Variants in USP33 observed in about 807,000 individuals in gnomAD.
USP33 encodes ubiquitin carboxyl-terminal hydrolase 33.
USP33 carries 46 observed loss-of-function variants against 124.2 expected under a neutral mutation model. That is an observed-to-expected ratio of 0.37 (90% CI 0.29 to 0.47). The LOEUF (loss-of-function observed/expected upper bound fraction) is 0.47, where lower values mean the gene tolerates loss of function less well. USP33 is among the 20% of genes least tolerant of loss of function. USP33 has a pLI of 0.99. For synonymous variants in USP33, 350 were observed against 352.3 expected (o/e 0.99, Z 0.07); for missense variants, 851 against 1,070.6 (o/e 0.79, Z 2.86).
chr1:77,747,567 T>A (rs904763937), intron 1 of USP33, among the ~76,000 whole-genome samples: 5 of 152,186 alleles, frequency 3.3e-5, no homozygotes, highest in Non-Finnish European at 7.4e-5. Flanking sequence ...CTATTCCTAA[T>A]CTATTCCATT....
At chr1:77,702,365 C>T (rs1393389487) in intron 21 of USP33, among the ~76,000 whole-genome samples, 1 of 151,978 alleles carries the variant, frequency 6.6e-6, no homozygotes, top group African/African-American at 2.4e-5. Flanking sequence ...TATTAAAAAT[C>T]TAATGTGTAA....
intron 1 of USP33, among the ~76,000 whole-genome samples, chr1:77,748,182 GTTC>G (rs1231263747): frequency 2.6e-5 from 4 of 152,214 alleles, no homozygotes; most frequent in Non-Finnish European, 5.9e-5. Flanking sequence ...AGGAGTTTTA[GTTC>G]TTATTTTCTG....
chr1:77,725,836 T>C (rs1677101437), intron 10 of USP33, 74 bp from the exon 11 acceptor site: 3 of 1,322,330 alleles, frequency 2.3e-6, no homozygotes, highest in African/African-American at 3.0e-5. Context: ...GTTAAAGGTT[T>C]CTTAATTTGA....
At chr1:77,722,340 C>A in intron 12 of USP33, 144 bp from the exon 13 acceptor site, 1 of 725,476 alleles carries the variant, frequency 1.4e-6, no homozygotes. Flanking sequence ...AATTGAACTG[C>A]TTTCATAGTC....
At chr1:77,758,545 T>C (rs1279891211) in intron 1 of USP33, among the ~76,000 whole-genome samples, 1 of 152,226 alleles carries the variant, frequency 6.6e-6, no homozygotes, top group Non-Finnish European at 1.5e-5. Flanking sequence ...ACTATTTCTA[T>C]TATTTTTTCA....
chr1:77,744,200 T>G (rs1256107398), intron 1 of USP33, among the ~76,000 whole-genome samples: 1 of 150,388 alleles, frequency 6.6e-6, no homozygotes, highest in Non-Finnish European at 1.5e-5. Flanking sequence ...GGAACAAAGC[T>G]TAAGGACATT....
intron 23 of USP33, 96 bp downstream of exon 23, chr1:77,697,767 G>T: frequency 2.4e-6 from 3 of 1,247,874 alleles, no homozygotes; most frequent in South Asian, 1.4e-5. Context: ...ACATTCTTCA[G>T]TTGAATAAAA....
chr1:77,701,544 C>A lies in USP33; in HGVS notation c.2407-73G>T, dbSNP rs1043182378. ...ATGGCAAAACAATACCATCATTCCA[C>A]TTCAGTGTTTGATAACTCAGCACTT... On this transcript the variant is annotated intron_variant, in intron 21 of 23. Transcript: ENST00000370794. 7.2e-6 allele frequency: 9 copies of A among 1,256,404 alleles called. No individual in the cohort carries two copies. In the Admixed American group the frequency reaches 1.7e-4, roughly 24 times the overall value. 77.8% of individuals were successfully genotyped at this position (1,256,404 alleles called of 1,614,324 possible).
intron 1 of USP33, among the ~76,000 whole-genome samples, chr1:77,752,134 A>G (rs1344123399): frequency 6.6e-6 from 1 of 151,386 alleles, no homozygotes; most frequent in African/African-American, 2.4e-5. Context: ...CCATGTTATT[A>G]GTACAATTTT....
At chr1:77,735,960 C>T (rs1678395462) in intron 6 of USP33, 96 bp downstream of exon 6, 1 of 855,042 alleles carries the variant, frequency 1.2e-6, no homozygotes, top group Admixed American at 3.0e-5. Context: ...ATTATCAAGC[C>T]CATTTTACCT....
At chr1:77,705,290 A>G (rs1674502823) in intron 21 of USP33, among the ~76,000 whole-genome samples, 2 of 151,446 alleles carry the variant, frequency 1.3e-5, no homozygotes, top group African/African-American at 4.9e-5. Context: ...CACCTCCCCA[A>G]TTCAAGCGAT....
chr1:77,747,942 CTATTT>C (rs1392282019), intron 1 of USP33, among the ~76,000 whole-genome samples: 3 of 152,146 alleles, frequency 2.0e-5, no homozygotes, highest in Non-Finnish European at 2.9e-5. Context: ...TCTGGATTCT[CTATTT>C]TATTCCACCA....
rs966960707 is a variant in USP33 at position 77,696,144 on chromosome 1, G to C, written c.*1173C>G. 1 of 151,968 alleles carries C rather than the reference G, an allele frequency of 6.6e-6. No homozygotes were observed. The highest frequency in any genetic ancestry group is 1.5e-5 in the Non-Finnish European group (1 of 68,000). 9.4% of individuals were successfully genotyped at this position (151,968 alleles called of 1,614,324 possible). A position where few individuals can be genotyped will look rare whatever the true frequency, so the allele number is the denominator to read the frequency against. On this transcript the variant is annotated 3_prime_UTR_variant, in exon 24 of 24. Coordinates refer to ENST00000370794, the MANE Select transcript of USP33 (RefSeq NM_201624.3). ...GTACTTGGAATATAGTTAAACTTTT[G>C]ACATTACATAATCAAGCAAATAGCA...
chr1:77,706,979 C>A (rs1379049296), intron 21 of USP33, among the ~76,000 whole-genome samples: 1 of 152,126 alleles, frequency 6.6e-6, no homozygotes, highest in African/African-American at 2.4e-5. Flanking sequence ...TGAGACAGCC[C>A]CCTGGCCATT....
intron 21 of USP33, among the ~76,000 whole-genome samples, chr1:77,708,627 C>G (rs1674896163): frequency 6.6e-6 from 1 of 152,158 alleles, no homozygotes; most frequent in Non-Finnish European, 1.5e-5. Context: ...TATAGGAAAA[C>G]TCCAAGTATA....
intron 12 of USP33, 169 bp from the exon 13 acceptor site, chr1:77,722,365 AAAAAC>A: frequency 6.1e-5 from 38 of 619,696 alleles, no homozygotes; most frequent in Non-Finnish European, 8.6e-5. Context: ...TAGCAAAAAA[AAAAAC>A]AAAAACAAAA....
chr1:77,698,474 C>A (rs1673645566), intron 22 of USP33, among the ~76,000 whole-genome samples: 1 of 150,826 alleles, frequency 6.6e-6, no homozygotes, highest in East Asian at 2.0e-4. Context: ...TCGTTCACAA[C>A]CATCACAGTT....
At chr1:77,706,866 T>G (rs1674692710) in intron 21 of USP33, among the ~76,000 whole-genome samples, 1 of 152,190 alleles carries the variant, frequency 6.6e-6, no homozygotes, top group Admixed American at 6.5e-5. Flanking sequence ...TACTGACATA[T>G]TCACACAAGT....
chr1:77,724,656 C>T (rs1023126553), intron 11 of USP33, among the ~76,000 whole-genome samples: 38 of 152,080 alleles, frequency 2.5e-4, no homozygotes, highest in Admixed American at 1.4e-3. Context: ...AATGTTCTTA[C>T]AAAAACCTAT....
Sources: gnomAD v4.1 joint callset for allele counts (sites outside exome capture counted in the v4.1 genomes callset) on GRCh38, gnomAD v4.1.1 for gene constraint, MANE v1.5 for transcripts, NCBI Gene and HGNC (gene_info 2026-07-23, HGNC 2026-07-21) for gene names.